The following L3MBTL1 variants were observed in gnomAD, a reference collection of about 807,000 sequenced individuals.
The protein encoded by L3MBTL1 is lethal(3)malignant brain tumor-like protein 1.
A neutral mutation model predicts 105.3 loss-of-function variants in L3MBTL1; 75 were observed. The ratio of observed to expected loss-of-function variants is 0.71; its 90% confidence interval spans 0.59 to 0.86. The LOEUF is 0.86. Ranked by LOEUF, L3MBTL1 falls within the 40% of genes least tolerant of loss-of-function variation. L3MBTL1 has a pLI of 0.00. For missense variants in L3MBTL1, 1,069 were observed against 1,126.4 expected, an observed-to-expected ratio of 0.95 and a Z score of 0.73; for synonymous variants, 452 against 436.2, an observed-to-expected ratio of 1.04 and a Z score of -0.45.
At chr20:43,511,038 T>G (rs1484056204) in intron 1 of L3MBTL1, among the ~76,000 whole-genome samples, 1 of 152,096 alleles carries the variant, frequency 6.6e-6, no homozygotes, top group Non-Finnish European at 1.5e-5. Context: ...AGTGTTTTTT[T>G]GTTTTGGTTT....
At chr20:43,519,336 CAAAAA>C (rs35982746) in intron 7 of L3MBTL1, among the ~76,000 whole-genome samples, 2 of 90,008 alleles carry the variant, frequency 2.2e-5, no homozygotes, top group Non-Finnish European at 4.8e-5. Context: ...AACCCTGACT[CAAAAA>C]AAAAAAAAAA....
At chr20:43,515,829 G>A (rs1451393817) in intron 6 of L3MBTL1, 2 of 489,702 alleles carry the variant, frequency 4.1e-6, no homozygotes, top group Non-Finnish European at 7.4e-6. Flanking sequence ...GGAAGTTTTT[G>A]TGTACTCAGT....
rs2018937682 is a variant in L3MBTL1 at position 43,524,833 on chromosome 20, C to T, written c.863-3824C>T. Among the ~76,000 whole-genome samples, 3 of 152,026 alleles carry T rather than the reference C, an allele frequency of 2.0e-5. No individual in the cohort carries two copies. The South Asian group carries it at 6.2e-4, about 32-fold the overall frequency. ...GCATGGAAATGCATGATGAAGCTGG[C>T]ATGATGGGGAGTAGCTAGTTCACCA... On this transcript the variant is annotated intron_variant, in intron 7 of 21. Transcript: ENST00000418998.
chr20:43,520,156 A>G (rs1164851847), intron 7 of L3MBTL1, among the ~76,000 whole-genome samples: 7 of 152,170 alleles, frequency 4.6e-5, no homozygotes, highest in Non-Finnish European at 2.9e-5. Context: ...TATAAATGGA[A>G]TTATATATTG....
chr20:43,540,425 G>A, intron 20 of L3MBTL1, 117 bp downstream of exon 20: 1 of 1,187,990 alleles, frequency 8.4e-7, no homozygotes, highest in Non-Finnish European at 1.2e-6. Flanking sequence ...ACTACCTCTT[G>A]CTCATCTGTC....
chr20:43,521,256 A>G (rs989473436), intron 7 of L3MBTL1, among the ~76,000 whole-genome samples: 1 of 152,238 alleles, frequency 6.6e-6, no homozygotes, highest in Admixed American at 6.5e-5. Flanking sequence ...CTTGTAATTA[A>G]TTGATTCTTG....
At chr20:43,548,484 G>T in exon 19 of L3MBTL1, 1 of 261,700 alleles carries the variant, frequency 3.8e-6, no homozygotes. Context: ...TGACTGGCAG[G>T]GGCATTACTC....
At chr20:43,523,064 G>A (rs984601585) in intron 7 of L3MBTL1, among the ~76,000 whole-genome samples, 5 of 151,594 alleles carry the variant, frequency 3.3e-5, no homozygotes, top group Admixed American at 6.6e-5. Context: ...GCCGAGATCC[G>A]CCACTGCACT....
At chr20:43,548,171 G>A (rs199674611) in exon 19 of L3MBTL1, 81 of 1,304,316 alleles carry the variant, frequency 6.2e-5, no homozygotes, top group Middle Eastern at 4.3e-4. Context: ...GATCATGAGC[G>A]TCAAGCTGGG....
chr20:43,513,037 C>A (rs572259551), intron 1 of L3MBTL1, among the ~76,000 whole-genome samples: 6 of 152,148 alleles, frequency 3.9e-5, no homozygotes, highest in Non-Finnish European at 5.9e-5. Flanking sequence ...AAACCTGGTA[C>A]TTGAGGTCTC....
rs373471113 is a variant in L3MBTL1, at chr20:43,530,792, G to A, written c.1193-6G>A. 1.7e-5 allele frequency: 27 copies of A among 1,613,752 alleles called. No individual in the cohort carries two copies. The East Asian group carries it at 5.3e-4, about 32-fold the overall frequency. ...GCGCTCTGTTCATGCCCCTCGAGGGGCCTAGGTTACAAGGAGGAGGAGTTC... is the reference window on the plus strand; with the variant it reads ...GCGCTCTGTTCATGCCCCTCGAGGGACCTAGGTTACAAGGAGGAGGAGTTC... On this transcript the variant is annotated splice_polypyrimidine_tract_variant and splice_region_variant and intron_variant, in intron 10 of 21. Coordinates refer to ENST00000418998, the MANE Select transcript of L3MBTL1 (RefSeq NM_001377303.1).
rs1197738742 is a variant in L3MBTL1, at chr20:43,514,769, A to G, written c.495A>G (p.Gln165=). Residue 165 remains glutamine, a synonymous_variant, in exon 4 of 22, where the codon CAA becomes CAG. Coordinates refer to ENST00000418998, the MANE Select transcript of L3MBTL1 (RefSeq NM_001377303.1). ...APAGDGEAGP[Q]QAEDHPQNPP... ...CGGGAGATGGCGAGGCGGGCCCCCAACAGGCGGGTAGGAGCCCCGCTCCCC... is the reference window on the plus strand; with the variant it reads ...CGGGAGATGGCGAGGCGGGCCCCCAGCAGGCGGGTAGGAGCCCCGCTCCCC... The G allele has an allele frequency of 1.3e-6, 2 of 1,549,756 alleles. No homozygotes were observed. Among genetic ancestry groups the G allele is most frequent in the African/African-American group, 1.4e-5 (1 of 73,462 alleles).
intron 6 of L3MBTL1, chr20:43,515,874 G>C (rs773782779): frequency 1.3e-5 from 7 of 547,286 alleles, no homozygotes; most frequent in East Asian, 9.1e-5. Flanking sequence ...TTGTAGTCAG[G>C]CTGTTTAATT....
intron 6 of L3MBTL1, 169 bp downstream of exon 6, chr20:43,515,584 A>G (rs2018347928): frequency 1.3e-6 from 1 of 754,514 alleles, no homozygotes; most frequent in African/African-American, 1.8e-5. Flanking sequence ...TACCTGGTTA[A>G]AGGGAAATGA....
chr20:43,548,092 C>G, intron 18 of L3MBTL1: 1 of 1,303,362 alleles, frequency 7.7e-7, no homozygotes, highest in Non-Finnish European at 1.0e-6. Context: ...CTTTCCACCT[C>G]CCTCCCGCAA....
rs761997316 is a variant in L3MBTL1, at chr20:43,536,210, C to T, written c.2039C>T (p.Ala680Val). 1.6e-5 allele frequency: 26 copies of T among 1,612,882 alleles called. No individual in the cohort carries two copies. The highest frequency in any genetic ancestry group is 9.9e-5 in the South Asian group (9 of 90,964). The part of the protein sequence containing the change: ...LAERNQSRLK[A>V]ELSDSEASAR... ...GAGAGGAACCAGAGCCGGCTGAAAGCGGAGCTGTCTGACTCGGAGGCCTCA... is the reference window on the plus strand; with the variant it reads ...GAGAGGAACCAGAGCCGGCTGAAAGTGGAGCTGTCTGACTCGGAGGCCTCA... Residue 680 changes from alanine to valine, a missense_variant, in exon 18 of 22, where the codon GCG becomes GTG. Coordinates refer to ENST00000418998, the MANE Select transcript of L3MBTL1 (RefSeq NM_001377303.1).
In L3MBTL1 at chr20:43,530,377, G is replaced by A; in HGVS notation, c.1150G>A (p.Gly384Ser). ...NANSPDIHPA[G>S]WFEKTGHKLQ... is the part of the protein sequence containing the mutation. The stretch of plus-strand genomic sequence containing the variant: ...CAACTCCCCTGACATTCACCCTGCT[G>A]GCTGGTTCGAGAAGACGGGCCACAA... Residue 384 changes from glycine to serine, a missense_variant, in exon 10 of 22, where the codon GGC becomes AGC. By Grantham distance (56) the Gly-to-Ser change is moderately conservative (BLOSUM62 0). Transcript: ENST00000418998. 3.7e-6 allele frequency: 6 copies of A among 1,614,182 alleles called. No individual in the cohort carries two copies. The highest frequency in any genetic ancestry group is 5.1e-6 in the Non-Finnish European group (6 of 1,180,024).
At chr20:43,533,975 G>A (rs2019473029) in intron 13 of L3MBTL1, 33 bp from the exon 14 acceptor site, 1 of 1,512,398 alleles carries the variant, frequency 6.6e-7, no homozygotes, top group African/African-American at 1.4e-5. Flanking sequence ...GTACACCTGG[G>A]TGGCTAGACA....
chr20:43,514,862 C>G, intron 4 of L3MBTL1, 86 bp downstream of exon 4: 2 of 1,456,886 alleles, frequency 1.4e-6, no homozygotes, highest in South Asian at 2.7e-5. Context: ...GGGCGGGGCC[C>G]GGGGTGGTCC....
Sources: gnomAD v4.1 joint callset for allele counts (sites outside exome capture counted in the v4.1 genomes callset) on GRCh38, gnomAD v4.1.1 for gene constraint, MANE v1.5 for transcripts, NCBI Gene and HGNC (gene_info 2026-07-23, HGNC 2026-07-21) for gene names.